The following GFOD1 variants were observed in gnomAD, a reference collection of about 807,000 sequenced individuals.
The protein encoded by GFOD1 is glucose-fructose oxidoreductase domain-containing protein 1.
A neutral mutation model predicts 25.4 loss-of-function variants in GFOD1; 9 were observed. The ratio of observed to expected loss-of-function variants is 0.35; its 90% confidence interval spans 0.21 to 0.62. The LOEUF is 0.62. Ranked by LOEUF, GFOD1 falls within the 20% of genes least tolerant of loss-of-function variation. The probability of loss-of-function intolerance (pLI) is 0.72; values close to 1 mark genes in which losing one functional copy is unlikely to be tolerated. For synonymous variants in GFOD1, 253 were observed against 245.6 expected (o/e 1.03, Z -0.28); for missense variants, 403 against 556.9 (o/e 0.72, Z 2.78).
At chr6:13,412,626 C>T (rs1195215431) in intron 1 of GFOD1, among the ~76,000 whole-genome samples, 1 of 152,222 alleles carries the variant, frequency 6.6e-6, no homozygotes, top group South Asian at 2.1e-4. Context: ...CCCTTCCCCC[C>T]GTTGTTACTG....
chr6:13,413,817 G>A (rs932724659), intron 1 of GFOD1, among the ~76,000 whole-genome samples: 2 of 152,152 alleles, frequency 1.3e-5, no homozygotes, highest in African/African-American at 2.4e-5. Flanking sequence ...CCAAGCAAAC[G>A]AGGTTCAATC....
At chr6:13,414,874 A>G (rs1562211695) in intron 1 of GFOD1, among the ~76,000 whole-genome samples, 1 of 152,210 alleles carries the variant, frequency 6.6e-6, no homozygotes, top group Non-Finnish European at 1.5e-5. Flanking sequence ...TCCTATGAAC[A>G]TGGCATAAGT....
At chr6:13,376,618 T>C (rs1216920125) in intron 1 of GFOD1, among the ~76,000 whole-genome samples, 2 of 152,176 alleles carry the variant, frequency 1.3e-5, no homozygotes. Flanking sequence ...ACACAAATGA[T>C]TGGGTTGGGT....
intron 1 of GFOD1, among the ~76,000 whole-genome samples, chr6:13,368,928 C>T (rs1412511805): frequency 3.3e-5 from 5 of 152,212 alleles, no homozygotes; most frequent in Admixed American, 2.6e-4. Context: ...CCCCAGGGAT[C>T]TGAGACACAC....
At chr6:13,390,059 G>A (rs1397859438) in intron 1 of GFOD1, among the ~76,000 whole-genome samples, 1 of 151,920 alleles carries the variant, frequency 6.6e-6, no homozygotes, top group African/African-American at 2.4e-5. Flanking sequence ...TCCAACTTAA[G>A]TCCCACCACC....
intron 1 of GFOD1, among the ~76,000 whole-genome samples, chr6:13,482,031 CAAT>C: frequency 6.6e-6 from 1 of 151,222 alleles, no homozygotes. Context: ...AAAATAGGAG[CAAT>C]AATACTTTCA....
At chr6:13,445,472 T>G (rs940785256) in intron 1 of GFOD1, among the ~76,000 whole-genome samples, 1 of 152,168 alleles carries the variant, frequency 6.6e-6, no homozygotes, top group Non-Finnish European at 1.5e-5. Flanking sequence ...ATTAAAACTA[T>G]TTAGGGAAAC....
intron 1 of GFOD1, among the ~76,000 whole-genome samples, chr6:13,378,462 T>G (rs1409617300): frequency 6.6e-6 from 1 of 152,220 alleles, no homozygotes; most frequent in Non-Finnish European, 1.5e-5. Context: ...AGGCTTGACA[T>G]GGGAGAACAC....
chr6:13,398,737 G>A (rs1003155708), intron 1 of GFOD1, among the ~76,000 whole-genome samples: 1 of 152,060 alleles, frequency 6.6e-6, no homozygotes, highest in Admixed American at 6.6e-5. Flanking sequence ...TCAGCCTCCC[G>A]GGCTTCTCAA....
chr6:13,399,762 T>C (rs1383722860), intron 1 of GFOD1, among the ~76,000 whole-genome samples: 1 of 152,138 alleles, frequency 6.6e-6, no homozygotes, highest in Non-Finnish European at 1.5e-5. Flanking sequence ...CACCAAAAAG[T>C]CAACTAAGGC....
intron 1 of GFOD1, among the ~76,000 whole-genome samples, chr6:13,434,920 T>C (rs1273571069): frequency 6.6e-6 from 1 of 152,228 alleles, no homozygotes; most frequent in East Asian, 1.9e-4. Flanking sequence ...AACAGACCAC[T>C]TGCGGCAGCA....
rs779093609 is a variant in GFOD1 at position 13,360,696 on chromosome 6, C to A, written c.*4047G>T. ...GCTACTTCTATGTGCAGCTCTACAG[C>A]CTCCTGGCAGAACATCAGATGTTGC... On this transcript the variant is annotated 3_prime_UTR_variant, in exon 2 of 2. Coordinates refer to ENST00000379287, the MANE Select transcript of GFOD1 (RefSeq NM_018988.4). 14 of 456,766 alleles carry A rather than the reference C, an allele frequency of 3.1e-5. 1 individual carries two copies. Among genetic ancestry groups the A allele is most frequent in the South Asian group, 2.2e-4 (14 of 64,574 alleles). The allele number at this position is 456,766 out of a possible 1,614,324, so 28.3% of individuals were successfully genotyped here. A position where few individuals can be genotyped will look rare whatever the true frequency, so the allele number is the denominator to read the frequency against.
intron 1 of GFOD1, among the ~76,000 whole-genome samples, chr6:13,385,491 T>C (rs1325100272): frequency 2.0e-5 from 3 of 152,136 alleles, no homozygotes; most frequent in Non-Finnish European, 4.4e-5. Flanking sequence ...GGACAGAAGA[T>C]AGGAATGTGG....
intron 1 of GFOD1, among the ~76,000 whole-genome samples, chr6:13,453,381 T>C (rs1414968954): frequency 6.6e-6 from 1 of 152,222 alleles, no homozygotes; most frequent in East Asian, 1.9e-4. Flanking sequence ...AGCAAAGTGT[T>C]TCATGTACAG....
rs375474447 is a variant in GFOD1 at position 13,376,008 on chromosome 6, C to T, written c.254-10346G>A. ...CAGCTCCTTCCAGCAGGGGCATTCC[C>T]CAGGAAAGAAAAGAAAAGCTTGCTA... On this transcript the variant is annotated intron_variant, in intron 1 of 1. Transcript: ENST00000379287. Among the ~76,000 whole-genome samples, 4 of 152,212 alleles carry T rather than the reference C, an allele frequency of 2.6e-5. No individual in the cohort carries two copies. The East Asian group carries it at 7.7e-4, about 29-fold the overall frequency.
Position 13,486,699 on chromosome 6 carries a change from C to T in GFOD1, c.192G>A (p.Val64=). The change falls in exon 1 of 2, where the codon GTG becomes GTA. Residue 64 remains valine (V), a synonymous_variant. Coordinates refer to ENST00000379287, the MANE Select transcript of GFOD1 (RefSeq NM_018988.4). The part of the protein sequence containing the change: ...RIDEVLLHQD[V]DLVCINLPPP... ...GCGGCAGGTTAATGCACACCAAGTC[C>T]ACGTCCTGATGCAGCAGCACCTCAT... is the stretch of plus-strand genomic sequence containing the variant. 1.2e-6 allele frequency: 2 copies of T among 1,614,114 alleles called. No homozygotes were observed. The highest frequency in any genetic ancestry group is 1.7e-6 in the Non-Finnish European group (2 of 1,180,002).
intron 1 of GFOD1, among the ~76,000 whole-genome samples, chr6:13,438,339 G>A (rs906986265): frequency 1.6e-4 from 25 of 152,134 alleles, no homozygotes; most frequent in African/African-American, 5.8e-4. Flanking sequence ...AAGGCAAGAA[G>A]GCAACAAAAA....
At chr6:13,407,476 T>G (rs934691954) in intron 1 of GFOD1, among the ~76,000 whole-genome samples, 1 of 152,134 alleles carries the variant, frequency 6.6e-6, no homozygotes, top group Non-Finnish European at 1.5e-5. Context: ...TGCTGCCTAC[T>G]CCCAGGCTGG....
intron 1 of GFOD1, among the ~76,000 whole-genome samples, chr6:13,381,488 G>T (rs79421197): frequency 2.0e-3 from 306 of 152,332 alleles, no homozygotes; most frequent in African/African-American, 7.0e-3. Flanking sequence ...GAGCTGAAAA[G>T]GTTCCCTTCT....
Sources: allele counts gnomAD v4.1 joint callset (sites outside exome capture counted in the v4.1 genomes callset), GRCh38; gene constraint gnomAD v4.1.1; transcripts MANE v1.5; gene names NCBI Gene and HGNC (gene_info 2026-07-23, HGNC 2026-07-21).